Variants in EXOC4 observed in about 807,000 individuals in gnomAD.
EXOC4 encodes SEC8-like 1.
Under a neutral mutation model 107.2 loss-of-function variants are expected in EXOC4, and 71 were observed. The ratio of observed to expected loss-of-function variants is 0.66; its 90% CI spans 0.55 to 0.81. The LOEUF is 0.81. Ranked by LOEUF, EXOC4 falls within the 30% of genes least tolerant of loss-of-function variation. The probability of loss-of-function intolerance (pLI) is 0.00; values close to 1 mark genes in which losing one functional copy is unlikely to be tolerated. For synonymous variants in EXOC4, 456 were observed against 441.2 expected (o/e 1.03, Z -0.42); for missense variants, 1,108 against 1,189.6 (o/e 0.93, Z 1.01).
At chr7:133,481,996 C>T (rs1015887780) in intron 9 of EXOC4, among the ~76,000 whole-genome samples, 1 of 152,160 alleles carries the variant, frequency 6.6e-6, no homozygotes, top group African/African-American at 2.4e-5. Flanking sequence ...CTATCTAAGG[C>T]TAGTGTATCT....
At chr7:133,534,762 A>C (rs1800242458) in intron 9 of EXOC4, among the ~76,000 whole-genome samples, 1 of 152,178 alleles carries the variant, frequency 6.6e-6, no homozygotes. Flanking sequence ...AGCAAACATA[A>C]ACAGCATATT....
intron 10 of EXOC4, among the ~76,000 whole-genome samples, chr7:133,787,659 T>A (rs940847504): frequency 2.6e-5 from 4 of 151,702 alleles, no homozygotes; most frequent in Non-Finnish European, 5.9e-5. Flanking sequence ...GACGGCCTCC[T>A]CCTTGCTGTG....
chr7:133,381,782 A>G (rs1264659103), intron 7 of EXOC4, among the ~76,000 whole-genome samples: 2 of 152,140 alleles, frequency 1.3e-5, no homozygotes, highest in African/African-American at 2.4e-5. Context: ...GATAAGGACT[A>G]CATTCTGTTT....
chr7:133,265,556 C>T (rs1793710232), intron 1 of EXOC4, among the ~76,000 whole-genome samples: 1 of 152,074 alleles, frequency 6.6e-6, no homozygotes, highest in Non-Finnish European at 1.5e-5. Context: ...TAAGAGGGGT[C>T]ACTGAGATTT....
intron 9 of EXOC4, among the ~76,000 whole-genome samples, chr7:133,541,321 C>A (rs1800375546): frequency 6.6e-6 from 1 of 152,098 alleles, no homozygotes; most frequent in African/African-American, 2.4e-5. Context: ...GTCACTGTTA[C>A]CTCTCCATTC....
chr7:133,376,104 A>T (rs772574115), intron 7 of EXOC4, among the ~76,000 whole-genome samples: 1 of 152,204 alleles, frequency 6.6e-6, no homozygotes, highest in Non-Finnish European at 1.5e-5. Context: ...TGTAAATTAT[A>T]GTCATTTTTT....
intron 14 of EXOC4, among the ~76,000 whole-genome samples, chr7:133,956,499 C>T (rs1429885394): frequency 6.6e-6 from 1 of 152,164 alleles, no homozygotes; most frequent in South Asian, 2.1e-4. Context: ...AGATACTTCT[C>T]GCAATTCAGT....
chr7:133,254,842 T>C (rs1408340107), intron 1 of EXOC4, among the ~76,000 whole-genome samples: 1 of 152,236 alleles, frequency 6.6e-6, no homozygotes. Context: ...TGTGTACTTT[T>C]GATTCTCCAG....
chr7:133,486,470 A>C (rs1799272085), intron 9 of EXOC4, among the ~76,000 whole-genome samples: 1 of 152,156 alleles, frequency 6.6e-6, no homozygotes, highest in South Asian at 2.1e-4. Context: ...TAGCAATATT[A>C]TGCTTATGAC....
intron 1 of EXOC4, among the ~76,000 whole-genome samples, chr7:133,272,049 A>G (rs1793885003): frequency 6.6e-6 from 1 of 152,280 alleles, no homozygotes; most frequent in Admixed American, 6.5e-5. Flanking sequence ...TACTACTGTT[A>G]TTACTGGAAC....
intron 10 of EXOC4, among the ~76,000 whole-genome samples, chr7:133,695,872 G>A (rs1027228815): frequency 1.3e-5 from 2 of 152,080 alleles, no homozygotes; most frequent in East Asian, 3.9e-4. Flanking sequence ...AAAGCCAAGG[G>A]GACCATCCAA....
At chr7:133,815,961 A>G (rs1485529828) in intron 10 of EXOC4, among the ~76,000 whole-genome samples, 4 of 152,218 alleles carry the variant, frequency 2.6e-5, no homozygotes. Flanking sequence ...ATAAAATGCC[A>G]CATGGATTTA....
At chr7:133,340,428 T>C (rs892453790) in intron 5 of EXOC4, among the ~76,000 whole-genome samples, 8 of 151,682 alleles carry the variant, frequency 5.3e-5, no homozygotes, top group African/African-American at 1.7e-4. Flanking sequence ...TTTTTCTTTT[T>C]TTTTTTTTTT....
chr7:133,271,697 C>T lies in EXOC4; in HGVS notation c.87-3285C>T, dbSNP rs1226386616. ...GCCCATCTGCCTAACCCTTGTGGGACTTGGGGGCAAGGGGAACTGATGTGA... is the reference window on the plus strand; with the variant it reads ...GCCCATCTGCCTAACCCTTGTGGGATTTGGGGGCAAGGGGAACTGATGTGA... On this transcript the variant is annotated intron_variant, in intron 1 of 17. Transcript: ENST00000253861. Among the ~76,000 whole-genome samples, 10 of 152,250 alleles carry T rather than the reference C, an allele frequency of 6.6e-5. 1 individual carries two copies. In the South Asian group the frequency reaches 1.7e-3, roughly 25 times the overall value.
rs1795180576 is a variant in EXOC4, at chr7:134,027,939, T to C, written c.2687+20104T>C. 2.0e-5 allele frequency among the ~76,000 whole-genome samples: 3 copies of C among 152,322 alleles called. No individual in the cohort carries two copies. In the East Asian group the frequency reaches 5.8e-4, roughly 29 times the overall value. On this transcript the variant is annotated intron_variant, in intron 17 of 17. Coordinates refer to ENST00000253861, the MANE Select transcript of EXOC4 (RefSeq NM_021807.4). ...TCCAGATAGGGCTAGAACCCAGATT[T>C]CTGAACTCGTTTTTCTGGGCTCCCT...
At chr7:133,735,401 T>A (rs1247180164) in intron 10 of EXOC4, among the ~76,000 whole-genome samples, 2 of 152,096 alleles carry the variant, frequency 1.3e-5, no homozygotes, top group African/African-American at 2.4e-5. Context: ...CTAGATGACT[T>A]ACAAGTTTAT....
At position 133,609,962 on chromosome 7, in the gene EXOC4, A is replaced by G. The variant is rs371063757; in HGVS notation, c.1418-20083A>G. On this transcript the variant is annotated intron_variant, in intron 9 of 17. Coordinates refer to ENST00000253861, the MANE Select transcript of EXOC4 (RefSeq NM_021807.4). Reference sequence around the variant, plus strand: ...CCATGAACAACTTTTTACCCATAGGATGAGAGGCTCAAATGCTGCTTTATT... The same window carrying G: ...CCATGAACAACTTTTTACCCATAGGGTGAGAGGCTCAAATGCTGCTTTATT... Among the ~76,000 whole-genome samples the G allele has an allele frequency of 8.5e-5, 13 of 152,350 alleles. No homozygotes were observed. In the East Asian group the frequency reaches 1.5e-3, roughly 18 times the overall value.
At chr7:133,734,849 G>A (rs879631733) in intron 10 of EXOC4, among the ~76,000 whole-genome samples, 2 of 151,554 alleles carry the variant, frequency 1.3e-5, no homozygotes, top group African/African-American at 4.8e-5. Context: ...AACCTGTATC[G>A]GTTTCATGCA....
intron 17 of EXOC4, among the ~76,000 whole-genome samples, chr7:134,036,706 T>G (rs1795398516): frequency 6.6e-6 from 1 of 152,230 alleles, no homozygotes; most frequent in African/African-American, 2.4e-5. Flanking sequence ...TCTATAGATT[T>G]TACATTTACA....
Sources: allele counts gnomAD v4.1 joint callset (sites outside exome capture counted in the v4.1 genomes callset), GRCh38; gene constraint gnomAD v4.1.1; transcripts MANE v1.5; gene names NCBI Gene and HGNC (gene_info 2026-07-23, HGNC 2026-07-21).